PNPLA1: variants seen among roughly 807,000 people sequenced by gnomAD.
The protein encoded by PNPLA1 is omega-hydroxyceramide transacylase.
Under a neutral mutation model 51.7 loss-of-function variants are expected in PNPLA1, and 36 were observed. That is an observed-to-expected ratio of 0.70 (90% CI 0.53 to 0.92). The LOEUF is 0.92. PNPLA1 is among the 40% of genes least tolerant of loss of function. PNPLA1 has a pLI of 0.00. For synonymous variants in PNPLA1, 293 were observed against 280.1 expected (o/e 1.05, Z -0.46); for missense variants, 658 against 682.5 (o/e 0.96, Z 0.40).
chr6:36,282,126 AAG>A lies in PNPLA1; in HGVS notation c.206-9193_206-9192del, dbSNP rs1358410954. On this transcript the variant is annotated intron_variant, in intron 1 of 8. Transcript: ENST00000636260. ...GAAGGAAGGAAGGAAGGAAGGAAGG[AAG>A]GAAGGAAGGAAAGAGAGACAGAGAG... Among the ~76,000 whole-genome samples, 238 of 120,780 alleles carry A rather than the reference AAG, an allele frequency of 2.0e-3. 5 individuals are homozygous for A. Among genetic ancestry groups the A allele is most frequent in the Middle Eastern group, 4.2e-3 (1 of 240 alleles). 79.2% of individuals were successfully genotyped at this position (120,780 alleles called of 152,430 possible).
intron 1 of PNPLA1, among the ~76,000 whole-genome samples, chr6:36,261,768 A>G (rs899888435): frequency 1.3e-5 from 2 of 152,196 alleles, no homozygotes; most frequent in African/African-American, 4.8e-5. Context: ...GAGATGTCAA[A>G]TAATTTGTCA....
chr6:36,248,772 G>A (rs898112254), intron 1 of PNPLA1, among the ~76,000 whole-genome samples: 1 of 152,184 alleles, frequency 6.6e-6, no homozygotes, highest in Non-Finnish European at 1.5e-5. Flanking sequence ...GCCCACGTCA[G>A]CCTCCCAAAG....
intron 5 of PNPLA1, 71 bp downstream of exon 5, chr6:36,295,495 G>A: frequency 6.8e-7 from 1 of 1,474,730 alleles, no homozygotes; most frequent in Middle Eastern, 1.8e-4. Context: ...TAGAAGGGCT[G>A]AATGGAGGGG....
intron 1 of PNPLA1, among the ~76,000 whole-genome samples, chr6:36,255,169 C>G (rs1769503511): frequency 6.6e-6 from 1 of 151,664 alleles, no homozygotes; most frequent in Admixed American, 6.6e-5. Context: ...GAGTTCGAGA[C>G]CAGCCTGACC....
chr6:36,270,978 A>G (rs902896560), intron 1 of PNPLA1, among the ~76,000 whole-genome samples: 1 of 152,152 alleles, frequency 6.6e-6, no homozygotes, highest in African/African-American at 2.4e-5. Flanking sequence ...AACATCGAAC[A>G]TGGTGCTGTC....
chr6:36,263,100 A>G (rs1177777695), intron 1 of PNPLA1, among the ~76,000 whole-genome samples: 2 of 152,256 alleles, frequency 1.3e-5, no homozygotes, highest in African/African-American at 2.4e-5. Flanking sequence ...ATTTTATTTT[A>G]TATGGGAGAG....
chr6:36,281,212 G>T (rs1770271233), intron 1 of PNPLA1, among the ~76,000 whole-genome samples: 1 of 152,202 alleles, frequency 6.6e-6, no homozygotes, highest in South Asian at 2.1e-4. Context: ...CCTGTTGCAG[G>T]TGTGTGGGTG....
intron 1 of PNPLA1, among the ~76,000 whole-genome samples, chr6:36,250,871 T>C (rs193221200): frequency 8.5e-5 from 13 of 152,260 alleles, no homozygotes; most frequent in Admixed American, 4.6e-4. Flanking sequence ...GTCCAGCTAA[T>C]TTTTGTATTT....
At chr6:36,259,785 G>T (rs1769608546) in intron 1 of PNPLA1, among the ~76,000 whole-genome samples, 1 of 152,044 alleles carries the variant, frequency 6.6e-6, no homozygotes, top group South Asian at 2.1e-4. Context: ...CTAAACAGTG[G>T]GTACTCAAGC....
At chr6:36,304,348 C>T (rs930728590) in intron 6 of PNPLA1, among the ~76,000 whole-genome samples, 2 of 152,136 alleles carry the variant, frequency 1.3e-5, no homozygotes, top group African/African-American at 4.8e-5. Flanking sequence ...AAAAACAAAA[C>T]ACCATTAAGA....
intron 1 of PNPLA1, among the ~76,000 whole-genome samples, chr6:36,244,898 C>T (rs926594554): frequency 6.6e-6 from 1 of 152,288 alleles, no homozygotes; most frequent in South Asian, 2.1e-4. Context: ...CAAGGAGAAT[C>T]GGGCAGCTCA....
At chr6:36,254,610 A>G (rs1769491717) in intron 1 of PNPLA1, among the ~76,000 whole-genome samples, 1 of 152,032 alleles carries the variant, frequency 6.6e-6, no homozygotes, top group Non-Finnish European at 1.5e-5. Flanking sequence ...ACAGAAAAAG[A>G]AAAGAATGGG....
intron 5 of PNPLA1, among the ~76,000 whole-genome samples, chr6:36,297,542 A>T (rs536793195): frequency 6.6e-6 from 1 of 152,208 alleles, no homozygotes; most frequent in African/African-American, 2.4e-5. Flanking sequence ...CTCAGCTCAC[A>T]TTCTCACAGC....
At chr6:36,258,804 C>T (rs1639525826) in intron 1 of PNPLA1, among the ~76,000 whole-genome samples, 1 of 152,240 alleles carries the variant, frequency 6.6e-6, no homozygotes, top group Admixed American at 6.5e-5. Context: ...ATAAAACTTG[C>T]TACACAGAAC....
intron 6 of PNPLA1, among the ~76,000 whole-genome samples, chr6:36,303,739 G>A (rs1183301910): frequency 1.3e-5 from 2 of 152,222 alleles, no homozygotes; most frequent in Non-Finnish European, 2.9e-5. Flanking sequence ...GGCTGAGGCA[G>A]GATAATCGCT....
intron 1 of PNPLA1, among the ~76,000 whole-genome samples, chr6:36,258,732 G>A (rs1055379349): frequency 2.0e-4 from 31 of 152,186 alleles, no homozygotes; most frequent in African/African-American, 6.3e-4. Context: ...GGGCTTGGCT[G>A]CCCTGAAGAA....
rs551526245 is a variant in PNPLA1 at position 36,304,587 on chromosome 6, A to T, written c.1385-1705A>T. On this transcript the variant is annotated intron_variant, in intron 6 of 8. Coordinates refer to ENST00000636260, the MANE Select transcript of PNPLA1 (RefSeq NM_001374623.1). ...GGTTGCAGTGAGTAGAGATCGTGCC[A>T]CTGCACTCCAGCCTGGGCGACAGAG... Among the ~76,000 whole-genome samples, 13 of 147,248 alleles carry T rather than the reference A, an allele frequency of 8.8e-5. No individual in the cohort carries two copies. In the East Asian group the frequency reaches 2.4e-3, roughly 27 times the overall value.
intron 1 of PNPLA1, among the ~76,000 whole-genome samples, chr6:36,245,402 A>G (rs1769248225): frequency 6.6e-6 from 1 of 152,210 alleles, no homozygotes; most frequent in Admixed American, 6.5e-5. Flanking sequence ...TTGAAAAGCT[A>G]TTATTTCCTT....
intron 8 of PNPLA1, 198 bp downstream of exon 8, chr6:36,307,910 C>A (rs1392620700): frequency 1.7e-6 from 1 of 571,440 alleles, no homozygotes; most frequent in East Asian, 3.6e-5. Context: ...GGGACACTTG[C>A]TCTCCCTGAG....
Sources: allele counts gnomAD v4.1 joint callset (sites outside exome capture counted in the v4.1 genomes callset), GRCh38; gene constraint gnomAD v4.1.1; transcripts MANE v1.5; gene names NCBI Gene and HGNC (gene_info 2026-07-23, HGNC 2026-07-21).